UNC13B: variants seen among roughly 807,000 people sequenced by gnomAD.
UNC13B encodes the protein unc-13 homolog B, also known as protein unc-13 homolog B.
A neutral mutation model predicts 211.0 loss-of-function variants in UNC13B; 144 were observed. The observed-to-expected ratio is 0.68, with a 90% confidence interval of 0.60 to 0.78. The LOEUF (loss-of-function observed/expected upper bound fraction) is 0.78, where lower values mean the gene tolerates loss of function less well. UNC13B is among the 30% of genes least tolerant of loss of function. The pLI, the probability that UNC13B is intolerant of heterozygous loss-of-function variation, is 0.00. For missense variants in UNC13B, 1,777 were observed against 2,002.0 expected, an observed-to-expected ratio of 0.89 and a Z score of 2.14; for synonymous variants, 709 against 725.8, an observed-to-expected ratio of 0.98 and a Z score of 0.37.
chr9:35,312,400 G>A (rs569013386), intron 10 of UNC13B, among the ~76,000 whole-genome samples: 1 of 152,312 alleles, frequency 6.6e-6, no homozygotes, highest in South Asian at 2.1e-4. Flanking sequence ...CAGGAGGTGA[G>A]CTGTGGACCA....
At chr9:35,402,397 T>C (rs1465630397) in intron 37 of UNC13B, among the ~76,000 whole-genome samples, 1 of 151,304 alleles carries the variant, frequency 6.6e-6, no homozygotes, top group East Asian at 2.0e-4. Flanking sequence ...TTGTTCTGCC[T>C]CAGCCTCCCT....
intron 26 of UNC13B, among the ~76,000 whole-genome samples, chr9:35,394,191 T>A (rs1237334447): frequency 1.3e-5 from 2 of 152,156 alleles, no homozygotes; most frequent in African/African-American, 4.8e-5. Flanking sequence ...TGCTCAGCAT[T>A]GAACAAGAGG....
At chr9:35,295,571 CAT>C in intron 7 of UNC13B, 123 bp from the exon 8 acceptor site, 2 of 805,958 alleles carry the variant, frequency 2.5e-6, no homozygotes, top group South Asian at 3.5e-5. Flanking sequence ...TCACTGGGCT[CAT>C]GTGAAGCTCA....
intron 11 of UNC13B, among the ~76,000 whole-genome samples, chr9:35,338,250 G>A (rs369095681): frequency 1.3e-5 from 2 of 152,322 alleles, no homozygotes; most frequent in East Asian, 1.9e-4. Context: ...GTTCCAAGAA[G>A]TTTATCAGCT....
At chr9:35,363,508 G>A (rs921342360) in intron 11 of UNC13B, among the ~76,000 whole-genome samples, 1 of 152,120 alleles carries the variant, frequency 6.6e-6, no homozygotes, top group Admixed American at 6.5e-5. Flanking sequence ...AGGATTCCTT[G>A]TCACCTAGTC....
chr9:35,385,567 G>C (rs1475477938), intron 22 of UNC13B, 157 bp from the exon 23 acceptor site: 8 of 985,340 alleles, frequency 8.1e-6, no homozygotes, highest in Non-Finnish European at 9.6e-6. Context: ...ATAGAAAAAA[G>C]AGAAGGAGAC....
chr9:35,271,526 C>CT (rs1202594999), intron 7 of UNC13B, among the ~76,000 whole-genome samples: 1 of 152,126 alleles, frequency 6.6e-6, no homozygotes, highest in Non-Finnish European at 1.5e-5. Flanking sequence ...AGCCACAAGG[C>CT]TAAATGGTCA....
intron 7 of UNC13B, among the ~76,000 whole-genome samples, chr9:35,278,935 T>A (rs1029605436): frequency 6.6e-6 from 1 of 152,126 alleles, no homozygotes; most frequent in Admixed American, 6.6e-5. Flanking sequence ...CCCACCCCCA[T>A]GAATGGTAGT....
At chr9:35,389,764 G>GAAAGGAAGGGTAT in intron 24 of UNC13B, 82 bp from the exon 25 acceptor site, 1 of 1,490,112 alleles carries the variant, frequency 6.7e-7, no homozygotes. Context: ...GGAAGGGGAA[G>GAAAGGAAGGGTAT]AGAAAGAGGA....
chr9:35,246,837 C>G (rs1826131345), intron 6 of UNC13B, among the ~76,000 whole-genome samples: 1 of 152,116 alleles, frequency 6.6e-6, no homozygotes, highest in Non-Finnish European at 1.5e-5. Flanking sequence ...AATGTGGGCT[C>G]TTTTTTGGTT....
At chr9:35,204,341 G>A (rs1383840624) in intron 1 of UNC13B, among the ~76,000 whole-genome samples, 2 of 152,120 alleles carry the variant, frequency 1.3e-5, no homozygotes, top group Non-Finnish European at 2.9e-5. Flanking sequence ...TGGGGTGGGA[G>A]CCCCCCCACA....
chr9:35,289,137 T>C (rs1828955082), intron 7 of UNC13B, among the ~76,000 whole-genome samples: 1 of 152,148 alleles, frequency 6.6e-6, no homozygotes, highest in African/African-American at 2.4e-5. Flanking sequence ...CGGAATAAAG[T>C]AAGTGCCTAG....
chr9:35,181,458 A>G (rs1821934425), intron 1 of UNC13B, among the ~76,000 whole-genome samples: 1 of 152,194 alleles, frequency 6.6e-6, no homozygotes, highest in East Asian at 1.9e-4. Context: ...TCTCACCTAT[A>G]AAATGGAGAT....
At chr9:35,326,570 T>G (rs1455535662) in intron 11 of UNC13B, among the ~76,000 whole-genome samples, 1 of 152,060 alleles carries the variant, frequency 6.6e-6, no homozygotes, top group Non-Finnish European at 1.5e-5. Context: ...TTTTTTAGTT[T>G]TTTGTAGAGA....
intron 6 of UNC13B, among the ~76,000 whole-genome samples, chr9:35,256,218 T>C (rs1009095418): frequency 6.6e-6 from 1 of 152,224 alleles, no homozygotes; most frequent in Non-Finnish European, 1.5e-5. Flanking sequence ...AGTTTTTACC[T>C]TGAGTCTTTT....
rs781067114 is a variant in UNC13B, at chr9:35,390,707, A to G, written c.11301A>G (p.Ala3767=). The G allele has an allele frequency of 3.7e-6, 6 of 1,613,966 alleles. No individual in the cohort carries two copies. The highest frequency in any genetic ancestry group is 4.2e-6 in the Non-Finnish European group (5 of 1,179,936). The change falls in exon 26 of 40, where the codon GCA becomes GCG. Residue 3767 remains alanine, a synonymous_variant. Transcript: ENST00000635942. ...TGTTTGCCCAAGACATGAAATATGC[A>G]TTGGAGGGTAAGGATCTGTTCAAAT... The part of the protein sequence containing the change: ...WHLFAQDMKY[A]LEEHEKDHLC...
intron 11 of UNC13B, among the ~76,000 whole-genome samples, chr9:35,336,364 T>C (rs1831657948): frequency 6.6e-6 from 1 of 152,210 alleles, no homozygotes; most frequent in Admixed American, 6.5e-5. Flanking sequence ...ATAACATGGG[T>C]ATAACAATGC....
intron 1 of UNC13B, among the ~76,000 whole-genome samples, chr9:35,203,430 G>A (rs556881578): frequency 6.6e-6 from 1 of 152,270 alleles, no homozygotes; most frequent in Non-Finnish European, 1.5e-5. Context: ...TAGTTTGGCT[G>A]GATATGAAAT....
intron 1 of UNC13B, among the ~76,000 whole-genome samples, chr9:35,223,810 T>A (rs781374792): frequency 2.0e-5 from 3 of 152,218 alleles, no homozygotes; most frequent in Non-Finnish European, 4.4e-5. Context: ...TATTTAACTC[T>A]TGAATTCATT....
Sources: allele counts gnomAD v4.1 joint callset (sites outside exome capture counted in the v4.1 genomes callset), GRCh38; gene constraint gnomAD v4.1.1; transcripts MANE v1.5; gene names NCBI Gene and HGNC (gene_info 2026-07-23, HGNC 2026-07-21).